The following PTPRQ variants were observed in gnomAD, a reference collection of about 807,000 sequenced individuals.
The protein encoded by PTPRQ is protein tyrosine phosphatase receptor type Q, also known as phosphatidylinositol phosphatase PTPRQ.
PTPRQ carries 199 observed loss-of-function variants against 246.0 expected under a neutral mutation model. That is an observed-to-expected ratio of 0.81 (90% CI 0.72 to 0.91). The LOEUF is 0.91. Among genes scored for constraint, PTPRQ ranks in the 40% least tolerant of loss-of-function variants. The pLI, the probability that PTPRQ is intolerant of heterozygous loss-of-function variation, is 0.00. For missense variants in PTPRQ, 2,624 were observed against 2,528.4 expected, an observed-to-expected ratio of 1.04 and a Z score of -0.81; for synonymous variants, 869 against 853.2, an observed-to-expected ratio of 1.02 and a Z score of -0.32.
At chr12:80,519,569 G>A (rs759316379) in intron 17 of PTPRQ, among the ~76,000 whole-genome samples, 3 of 152,090 alleles carry the variant, frequency 2.0e-5, no homozygotes, top group African/African-American at 7.2e-5. Context: ...AGCTTTATGC[G>A]GAAAGGGTTA....
chr12:80,625,595 T>TA (rs1565826539), intron 33 of PTPRQ, among the ~76,000 whole-genome samples: 1 of 152,040 alleles, frequency 6.6e-6, no homozygotes, highest in Non-Finnish European at 1.5e-5. Flanking sequence ...ATCTTAAAAA[T>TA]GTTTAAGTTT....
At chr12:80,514,603 A>G (rs1895231172) in intron 17 of PTPRQ, among the ~76,000 whole-genome samples, 1 of 103,406 alleles carries the variant, frequency 9.7e-6, no homozygotes, top group Admixed American at 1.2e-4. Context: ...TATATAATAT[A>G]TTTGTATATA....
At chr12:80,642,353 A>G (rs1899895717) in intron 35 of PTPRQ, among the ~76,000 whole-genome samples, 1 of 152,184 alleles carries the variant, frequency 6.6e-6, no homozygotes, top group Non-Finnish European at 1.5e-5. Context: ...AACTTTGATC[A>G]GTCTCTTTCT....
At chr12:80,515,451 C>T (rs558272093) in intron 17 of PTPRQ, among the ~76,000 whole-genome samples, 6 of 148,524 alleles carry the variant, frequency 4.0e-5, no homozygotes, top group South Asian at 2.1e-4. Context: ...GAGGGGGTCT[C>T]GCTCTGTTGC....
intron 17 of PTPRQ, among the ~76,000 whole-genome samples, chr12:80,521,583 C>T (rs1465108230): frequency 2.0e-5 from 3 of 151,950 alleles, no homozygotes; most frequent in Non-Finnish European, 2.9e-5. Context: ...CTACATATGG[C>T]TAGCCAGTTT....
intron 3 of PTPRQ, among the ~76,000 whole-genome samples, chr12:80,456,749 C>A (rs971836031): frequency 6.6e-6 from 1 of 152,114 alleles, no homozygotes; most frequent in African/African-American, 2.4e-5. Flanking sequence ...GGGTATTTGG[C>A]ATGATACATT....
intron 17 of PTPRQ, among the ~76,000 whole-genome samples, chr12:80,512,207 G>A (rs1229694455): frequency 6.6e-6 from 1 of 152,162 alleles, no homozygotes; most frequent in Non-Finnish European, 1.5e-5. Context: ...AAATGAAACA[G>A]ATTAAGTGAG....
intron 38 of PTPRQ, among the ~76,000 whole-genome samples, chr12:80,655,856 A>G (rs1282135179): frequency 6.6e-6 from 1 of 152,202 alleles, no homozygotes; most frequent in African/African-American, 2.4e-5. Context: ...GTAATGTAAG[A>G]AGCAGAATGC....
chr12:80,666,762 C>T (rs936500866), intron 39 of PTPRQ, among the ~76,000 whole-genome samples: 1 of 151,894 alleles, frequency 6.6e-6, no homozygotes, highest in African/African-American at 2.4e-5. Flanking sequence ...CCTTTGGAGT[C>T]GTTATTGATT....
chr12:80,546,762 T>C, intron 24 of PTPRQ, 65 bp downstream of exon 24: 1 of 1,505,482 alleles, frequency 6.6e-7, no homozygotes, highest in Non-Finnish European at 8.9e-7. Flanking sequence ...TTTCCTTTTC[T>C]TAGTTTATAT....
chr12:80,629,607 C>G (rs192817895), intron 33 of PTPRQ, among the ~76,000 whole-genome samples: 33 of 151,830 alleles, frequency 2.2e-4, no homozygotes, highest in African/African-American at 8.0e-4. Context: ...GGGGACCAGA[C>G]AGTTAATGAG....
At chr12:80,467,850 A>G (rs1488436782) in intron 6 of PTPRQ, among the ~76,000 whole-genome samples, 1 of 151,636 alleles carries the variant, frequency 6.6e-6, no homozygotes, top group African/African-American at 2.4e-5. Flanking sequence ...CACTCTGGGG[A>G]CTGTTGTGGG....
intron 25 of PTPRQ, among the ~76,000 whole-genome samples, chr12:80,560,773 C>A (rs907586998): frequency 6.6e-6 from 1 of 152,032 alleles, no homozygotes; most frequent in Non-Finnish European, 1.5e-5. Context: ...CTGTTTTTTT[C>A]TTTGGAAAAT....
intron 25 of PTPRQ, among the ~76,000 whole-genome samples, chr12:80,579,787 G>T (rs1897379249): frequency 6.6e-6 from 1 of 152,064 alleles, no homozygotes; most frequent in Non-Finnish European, 1.5e-5. Flanking sequence ...TTATCTATCT[G>T]TATGTTGTGT....
intron 28 of PTPRQ, 130 bp downstream of exon 28, chr12:80,610,755 G>A (rs1284925781): frequency 9.1e-7 from 1 of 1,095,112 alleles, no homozygotes; most frequent in Non-Finnish European, 1.2e-6. Context: ...AAAAAAATTA[G>A]TGACTCTCTG....
chr12:80,645,770 G>A (rs982144702), intron 35 of PTPRQ, among the ~76,000 whole-genome samples: 8 of 151,980 alleles, frequency 5.3e-5, no homozygotes, highest in Admixed American at 1.3e-4. Flanking sequence ...TAAAATTTCC[G>A]TTGTACGAAG....
At chr12:80,506,322 CTT>C (rs34307617) in intron 15 of PTPRQ, 116 bp downstream of exon 15, 1 of 1,207,182 alleles carries the variant, frequency 8.3e-7, no homozygotes, top group Non-Finnish European at 1.1e-6. Flanking sequence ...ACAATTTTGT[CTT>C]TTTGGTTAAA....
chr12:80,516,119 T>C (rs1343320245), intron 17 of PTPRQ, among the ~76,000 whole-genome samples: 3 of 152,208 alleles, frequency 2.0e-5, no homozygotes, highest in Non-Finnish European at 4.4e-5. Context: ...TGGATTTCTA[T>C]TGGAGCACTG....
Position 80,613,669 on chromosome 12 carries a change from C to T in PTPRQ, c.4996C>T (p.Pro1666Ser). 1 of 1,545,866 alleles carries T rather than the reference C, an allele frequency of 6.5e-7. No homozygotes were observed. Among genetic ancestry groups the T allele is most frequent in the South Asian group, 1.2e-5 (1 of 83,770 alleles). Residue 1666 changes from proline to serine, a missense_variant, in exon 29 of 45, where the codon CCT becomes TCT. Physicochemically the swap from Pro to Ser is moderately conservative, Grantham distance 74 (BLOSUM62 -1). Transcript: ENST00000644991. Reference protein sequence around the residue: ...EVTKFQLTFLPPSQPNGNIQV... With the variant: ...EVTKFQLTFLSPSQPNGNIQV... ...TACAAAATTTCAATTAACGTTCCTT[C>T]CTCCTTCTCAACCTAATGGAAATAT...
Sources: allele counts gnomAD v4.1 joint callset (sites outside exome capture counted in the v4.1 genomes callset), GRCh38; gene constraint gnomAD v4.1.1; transcripts MANE v1.5; gene names NCBI Gene and HGNC (gene_info 2026-07-23, HGNC 2026-07-21).